EML4: variants seen among roughly 807,000 people sequenced by gnomAD.
EML4 encodes the protein EMAP like 4.
A neutral mutation model predicts 129.0 loss-of-function variants in EML4; 72 were observed. The ratio of observed to expected loss-of-function variants is 0.56; its 90% confidence interval spans 0.46 to 0.68. EML4 has a LOEUF of 0.68. EML4 is among the 30% of genes least tolerant of loss of function. The pLI is 0.00. For missense variants in EML4, 1,363 were observed against 1,190.6 expected (o/e 1.14, Z -2.13); for synonymous variants, 532 against 405.0 (o/e 1.31, Z -3.77).
intron 10 of EML4, 117 bp downstream of exon 10, chr2:42,286,496 G>A (rs1304744826): frequency 6.0e-6 from 4 of 666,002 alleles, no homozygotes; most frequent in Non-Finnish European, 8.1e-6. Context: ...AAAATGAGAT[G>A]CTAGCTATTG....
rs1057380666 is a variant in EML4 at position 42,207,279 on chromosome 2, C to T, written c.25+37643C>T. On this transcript the variant is annotated intron_variant, in intron 1 of 22. Transcript: ENST00000318522. ...TTTTACTAAAATATATCTATGTATA[C>T]ACATACAACCTCCAAATATATATTA... is the stretch of plus-strand genomic sequence containing the variant. Among the ~76,000 whole-genome samples the T allele has an allele frequency of 3.3e-5, 5 of 152,138 alleles. No individual in the cohort carries two copies. In the South Asian group the frequency reaches 8.3e-4, roughly 25 times the overall value.
intron 18 of EML4, among the ~76,000 whole-genome samples, chr2:42,317,019 C>T (rs1669280811): frequency 2.6e-5 from 4 of 152,102 alleles, no homozygotes; most frequent in Admixed American, 2.6e-4. Context: ...GTGGTGGGTA[C>T]AGGGAAGGAC....
intron 6 of EML4, among the ~76,000 whole-genome samples, chr2:42,278,554 A>G (rs1666790154): frequency 3.2e-5 from 4 of 126,668 alleles, no homozygotes; most frequent in Admixed American, 8.8e-5. Context: ...AGCCTGGGTG[A>G]CAGAGCGGGA....
At chr2:42,216,734 C>G (rs1303615302) in intron 1 of EML4, among the ~76,000 whole-genome samples, 1 of 152,184 alleles carries the variant, frequency 6.6e-6, no homozygotes, top group Non-Finnish European at 1.5e-5. Flanking sequence ...TGCTATTTCA[C>G]TGAATGGCTG....
chr2:42,254,972 A>G (rs1232517301), intron 2 of EML4, among the ~76,000 whole-genome samples: 1 of 152,254 alleles, frequency 6.6e-6, no homozygotes, highest in African/African-American at 2.4e-5. Flanking sequence ...GTGCTACAAC[A>G]TGGTGAACCT....
intron 1 of EML4, among the ~76,000 whole-genome samples, chr2:42,215,072 T>C (rs10200000): frequency 0.13 from 20,235 of 152,084 alleles, 1,340 homozygotes; most frequent in East Asian, 0.18. Flanking sequence ...TGTAAAACTT[T>C]TTTTTGAGAC....
At chr2:42,259,740 T>C (rs1665597822) in intron 3 of EML4, among the ~76,000 whole-genome samples, 1 of 141,182 alleles carries the variant, frequency 7.1e-6, no homozygotes, top group Admixed American at 7.0e-5. Context: ...TTTTTTTTTT[T>C]TTTTTTTGAG....
At chr2:42,238,492 CAG>C (rs1674816623) in intron 1 of EML4, among the ~76,000 whole-genome samples, 5 of 152,138 alleles carry the variant, frequency 3.3e-5, no homozygotes, top group Non-Finnish European at 5.9e-5. Context: ...CCTGTAATTC[CAG>C]CACTTTGGGA....
chr2:42,277,570 CTTTT>C (rs869297928), intron 6 of EML4, among the ~76,000 whole-genome samples: 3 of 136,590 alleles, frequency 2.2e-5, no homozygotes, highest in East Asian at 2.1e-4. Flanking sequence ...CAAGCACAAC[CTTTT>C]TTTTTTTTTT....
rs1279511883 is a variant in EML4, at chr2:42,175,983, G to A, written c.25+6347G>A. ...CATAATTTTGCATTCTGTTTTTTTC[G>A]TTGGATCCTAACCTTTTTTTTTTTT... On this transcript the variant is annotated intron_variant, in intron 1 of 22. Transcript: ENST00000318522. Among the ~76,000 whole-genome samples, 2 of 148,534 alleles carry A rather than the reference G, an allele frequency of 1.3e-5. 1 individual carries two copies. The highest frequency in any genetic ancestry group is 3.0e-5 in the Non-Finnish European group (2 of 67,226).
chr2:42,236,887 A>G (rs375531933), intron 1 of EML4, among the ~76,000 whole-genome samples: 128 of 152,134 alleles, frequency 8.4e-4, no homozygotes, highest in African/African-American at 2.6e-3. Context: ...GATGGTTTCA[A>G]TTTTCCTTTC....
chr2:42,282,651 C>A (rs1343272375), intron 7 of EML4, among the ~76,000 whole-genome samples, 172 bp from the exon 8 acceptor site: 1 of 152,202 alleles, frequency 6.6e-6, no homozygotes, highest in Admixed American at 6.5e-5. Flanking sequence ...CCTTGGCCTC[C>A]TGAAGGGCTA....
chr2:42,211,835 T>G lies in EML4; in HGVS notation c.26-33670T>G, dbSNP rs147661714. Among the ~76,000 whole-genome samples the G allele has an allele frequency of 1.7e-3, 258 of 152,208 alleles. 1 individual carries two copies. The highest frequency in any genetic ancestry group is 6.0e-3 in the African/African-American group (248 of 41,522). Reference sequence around the variant, plus strand: ...TTCCCAGACACAAAATAACCCACTTTCTTTTTCTTTCTTTCTTTTTTTATT... The same window carrying G: ...TTCCCAGACACAAAATAACCCACTTGCTTTTTCTTTCTTTCTTTTTTTATT... On this transcript the variant is annotated intron_variant, in intron 1 of 22. Transcript: ENST00000318522.
intron 9 of EML4, 35 bp from the exon 10 acceptor site, chr2:42,286,234 C>T (rs759677066): frequency 1.1e-5 from 13 of 1,197,680 alleles, no homozygotes; most frequent in East Asian, 4.7e-5. Context: ...TTGCATCCAC[C>T]TGTCCAGTTG....
chr2:42,264,839 A>C, intron 6 of EML4, 108 bp downstream of exon 6: 1 of 1,454,454 alleles, frequency 6.9e-7, no homozygotes, highest in Non-Finnish European at 9.4e-7. Context: ...CATAGTAATC[A>C]AAGAAAAGTG....
intron 2 of EML4, among the ~76,000 whole-genome samples, chr2:42,251,496 A>C (rs17029402): frequency 0.063 from 9,629 of 152,260 alleles, 950 homozygotes; most frequent in African/African-American, 0.22. Flanking sequence ...TGAAAGGCCT[A>C]AGGGTACATC....
intron 4 of EML4, 154 bp downstream of exon 4, chr2:42,261,448 G>C: frequency 2.2e-6 from 1 of 459,046 alleles, no homozygotes; most frequent in Non-Finnish European, 3.6e-6. Context: ...ATGCTTTATA[G>C]CCCATTGGGG....
chr2:42,322,971 T>C (rs550076681), intron 19 of EML4, among the ~76,000 whole-genome samples: 2 of 152,322 alleles, frequency 1.3e-5, no homozygotes, highest in African/African-American at 4.8e-5. Context: ...AAGAGTCCTT[T>C]TTGAGAATAC....
At chr2:42,328,105 A>G (rs1012281239) in intron 21 of EML4, among the ~76,000 whole-genome samples, 2 of 152,204 alleles carry the variant, frequency 1.3e-5, no homozygotes, top group East Asian at 1.9e-4. Flanking sequence ...TAATGAAGAC[A>G]TTATTTATTT....
Sources: gnomAD v4.1 joint callset for allele counts (sites outside exome capture counted in the v4.1 genomes callset) on GRCh38, gnomAD v4.1.1 for gene constraint, MANE v1.5 for transcripts, NCBI Gene and HGNC (gene_info 2026-07-23, HGNC 2026-07-21) for gene names.